AHR: variants seen among roughly 807,000 people sequenced by gnomAD.
AHR encodes aryl hydrocarbon receptor.
AHR carries 40 observed loss-of-function variants against 86.8 expected under a neutral mutation model. The observed-to-expected ratio is 0.46, with a 90% confidence interval of 0.36 to 0.60. The LOEUF is 0.60. Among genes scored for constraint, AHR ranks in the 20% least tolerant of loss-of-function variants. The pLI is 0.00. For missense variants in AHR, 1,001 were observed against 1,011.6 expected (o/e 0.99, Z 0.14); for synonymous variants, 398 against 354.9 (o/e 1.12, Z -1.37).
intron 9 of AHR, among the ~76,000 whole-genome samples, chr7:17,338,148 G>A (rs1178980512): frequency 2.7e-5 from 4 of 148,462 alleles, no homozygotes; most frequent in Non-Finnish European, 5.9e-5. Flanking sequence ...GCAGTGAGCC[G>A]AGATCGCGCC....
intron 7 of AHR, 120 bp downstream of exon 7, chr7:17,334,234 G>A (rs527694635): frequency 4.3e-5 from 37 of 860,932 alleles, no homozygotes; most frequent in South Asian, 1.1e-4. Context: ...GGCTATTATC[G>A]TACATTCTTC....
At chr7:17,299,578 C>A (rs1057023018) in intron 1 of AHR, among the ~76,000 whole-genome samples, 1 of 152,256 alleles carries the variant, frequency 6.6e-6, no homozygotes, top group South Asian at 2.1e-4. Context: ...CATACACACC[C>A]TCTCACATTT....
Position 17,335,851 on chromosome 7 carries a change from A to G in AHR, c.1160+65A>G, listed in dbSNP as rs886876387. On this transcript the variant is annotated intron_variant, in intron 9 of 10. Coordinates refer to ENST00000242057, the MANE Select transcript of AHR (RefSeq NM_001621.5). The stretch of plus-strand genomic sequence containing the variant: ...TTCATAAGTCCTCTTATGTGAAAGC[A>G]TAAAAATAATTCAAGCAGACTTTAG... The G allele has an allele frequency of 1.3e-4, 198 of 1,492,360 alleles. 1 individual carries two copies. Among genetic ancestry groups the G allele is most frequent in the Middle Eastern group, 1.0e-3 (6 of 5,810 alleles). The allele number at this position is 1,492,360 out of a possible 1,614,324, so 92.4% of individuals were successfully genotyped here.
At chr7:17,340,419 A>C (rs1782408334) in intron 10 of AHR, among the ~76,000 whole-genome samples, 191 bp downstream of exon 10, 1 of 151,216 alleles carries the variant, frequency 6.6e-6, no homozygotes, top group South Asian at 2.1e-4. Context: ...TGTTACTAAT[A>C]TATCATTCAC....
intron 2 of AHR, among the ~76,000 whole-genome samples, chr7:17,312,774 C>G (rs569591113): frequency 7.9e-5 from 12 of 152,234 alleles, no homozygotes; most frequent in Middle Eastern, 6.8e-3. Context: ...TTATCTTTAA[C>G]GTTAGATTCT....
intron 3 of AHR, 68 bp downstream of exon 3, chr7:17,322,675 T>G: frequency 5.9e-6 from 6 of 1,019,928 alleles, no homozygotes; most frequent in South Asian, 5.9e-5. Flanking sequence ...TTAATAAGTC[T>G]TTTAGTAATT....
rs569491956 is a variant in AHR, at chr7:17,301,975, C to A, written c.65+2646C>A. Among the ~76,000 whole-genome samples the A allele has an allele frequency of 8.4e-4, 127 of 151,802 alleles. 1 individual carries two copies. Among genetic ancestry groups the A allele is most frequent in the African/African-American group, 3.0e-3 (124 of 41,450 alleles). ...CCCTACTCAGAAAAAGAGAACAAAT[C>A]CTGTGTTTATTTTATTCTCTTTGGA... On this transcript the variant is annotated intron_variant, in intron 1 of 10. Transcript: ENST00000242057.
At chr7:17,315,582 TG>T (rs1782107241) in intron 2 of AHR, among the ~76,000 whole-genome samples, 1 of 151,914 alleles carries the variant, frequency 6.6e-6, no homozygotes, top group Non-Finnish European at 1.5e-5. Flanking sequence ...GAGACTACCG[TG>T]GGCTAACATT....
intron 3 of AHR, among the ~76,000 whole-genome samples, chr7:17,323,521 A>G (rs959370019): frequency 6.6e-6 from 1 of 151,980 alleles, no homozygotes; most frequent in Admixed American, 6.6e-5. Flanking sequence ...TCAGATACTT[A>G]TTTTGTTGAA....
At chr7:17,326,465 GTAA>G (rs2115361804) in intron 3 of AHR, among the ~76,000 whole-genome samples, 1 of 152,274 alleles carries the variant, frequency 6.6e-6, no homozygotes, top group South Asian at 2.1e-4. Context: ...TCTTGGGTAT[GTAA>G]TAGTTTATTA....
chr7:17,300,990 T>C (rs1263544804), intron 1 of AHR, among the ~76,000 whole-genome samples: 2 of 152,158 alleles, frequency 1.3e-5, no homozygotes, highest in African/African-American at 4.8e-5. Flanking sequence ...TTAACATTTA[T>C]GGATTTTGGT....
chr7:17,342,339 A>T (rs933831290), intron 10 of AHR, among the ~76,000 whole-genome samples: 2 of 152,140 alleles, frequency 1.3e-5, no homozygotes, highest in Non-Finnish European at 2.9e-5. Context: ...TGGTAACTTG[A>T]TTCTGTAATT....
At chr7:17,321,662 C>G (rs988044360) in intron 2 of AHR, among the ~76,000 whole-genome samples, 5 of 151,456 alleles carry the variant, frequency 3.3e-5, no homozygotes, top group African/African-American at 1.2e-4. Flanking sequence ...CATGACACCT[C>G]CAATAGTAAG....
At position 17,345,231 on chromosome 7, in the gene AHR, C is replaced by G. The variant is rs1298299145; in HGVS notation, c.*2167C>G. The G allele has an allele frequency of 6.6e-6, 1 of 151,836 alleles. No homozygotes were observed. The highest frequency in any genetic ancestry group is 1.5e-5 in the Non-Finnish European group (1 of 67,982). 9.4% of individuals were successfully genotyped at this position (151,836 alleles called of 1,614,324 possible). A position where few individuals can be genotyped will look rare whatever the true frequency, so the allele number is the denominator to read the frequency against. On this transcript the variant is annotated 3_prime_UTR_variant, in exon 11 of 11. Coordinates refer to ENST00000242057, the MANE Select transcript of AHR (RefSeq NM_001621.5). ...TCAGGAGGCTGAGGCAGGAGAATAG[C>G]CTGAACCTGGGAATCGGAGGTTGCA...
intron 9 of AHR, among the ~76,000 whole-genome samples, chr7:17,337,272 A>G (rs917676871): frequency 1.3e-5 from 2 of 152,062 alleles, no homozygotes; most frequent in African/African-American, 4.8e-5. Context: ...TACATGGTCT[A>G]TGTTGGTAAA....
At chr7:17,307,391 G>C (rs1303821233) in intron 1 of AHR, among the ~76,000 whole-genome samples, 3 of 152,150 alleles carry the variant, frequency 2.0e-5, no homozygotes, top group African/African-American at 4.8e-5. Context: ...AAATGGGGCA[G>C]AGTTGCTAAT....
In AHR at chr7:17,340,137, T is replaced by C. The variant is rs751357516; in HGVS notation, c.2312T>C (p.Met771Thr). The change falls in exon 10 of 11, where the codon ATG becomes ACG. Residue 771 changes from methionine (M) to threonine (T), a missense_variant. By Grantham distance (81) the Met-to-Thr change is moderately conservative (BLOSUM62 -1). Transcript: ENST00000242057. ...ACATGTTATGCTGGGGCCGTGTCGA[T>C]GTATCAGTGCCAGCCAGAACCTCAG... Reference protein sequence around the residue: ...PQTCYAGAVSMYQCQPEPQHT... With the variant: ...PQTCYAGAVSTYQCQPEPQHT... 69 of 1,614,074 alleles carry C rather than the reference T, an allele frequency of 4.3e-5. No homozygotes were observed. Among genetic ancestry groups the C allele is most frequent in the Non-Finnish European group, 5.7e-5 (67 of 1,180,042 alleles).
intron 5 of AHR, among the ~76,000 whole-genome samples, 199 bp from the exon 6 acceptor site, chr7:17,330,557 A>T (rs3802082): frequency 0.18 from 26,782 of 151,936 alleles, 2,505 homozygotes; most frequent in East Asian, 0.39. Flanking sequence ...ATAAAAATTT[A>T]AAAAATTATG....
At chr7:17,321,769 G>C (rs1190870013) in intron 2 of AHR, among the ~76,000 whole-genome samples, 2 of 151,866 alleles carry the variant, frequency 1.3e-5, no homozygotes, top group East Asian at 3.8e-4. Context: ...TAATACCTAG[G>C]AGTAAATATA....
Sources: allele counts gnomAD v4.1 joint callset (sites outside exome capture counted in the v4.1 genomes callset), GRCh38; gene constraint gnomAD v4.1.1; transcripts MANE v1.5; gene names NCBI Gene and HGNC (gene_info 2026-07-23, HGNC 2026-07-21).